PVT1: variants seen among roughly 807,000 people sequenced by gnomAD.
The protein encoded by PVT1 is CXCR4/PVT1 fusion.
intron 3 of PVT1, among the ~76,000 whole-genome samples, chr8:127,925,030 G>T (rs1264793067): frequency 1.3e-5 from 2 of 152,174 alleles, no homozygotes; most frequent in African/African-American, 4.8e-5. Flanking sequence ...ACCCCAAAAA[G>T]AAATCGTTTT....
intron 4 of PVT1, among the ~76,000 whole-genome samples, chr8:127,999,663 T>C (rs559422984): frequency 2.0e-5 from 3 of 152,330 alleles, no homozygotes; most frequent in Admixed American, 2.0e-4. Context: ...GGTTTCACCA[T>C]GTTGGCCAGG....
intron 3 of PVT1, among the ~76,000 whole-genome samples, chr8:127,960,027 G>A (rs1038857184): frequency 2.6e-5 from 4 of 152,170 alleles, no homozygotes; most frequent in African/African-American, 9.7e-5. Flanking sequence ...TCTCCTGTAC[G>A]TCGTAGTTTT....
At chr8:127,860,877 C>A (rs755099134) in intron 2 of PVT1, among the ~76,000 whole-genome samples, 7 of 151,944 alleles carry the variant, frequency 4.6e-5, no homozygotes, top group Admixed American at 4.6e-4. Flanking sequence ...ACTCGGTGAC[C>A]TTCTCAAGGG....
At chr8:127,918,278 G>T (rs1586435436) in intron 3 of PVT1, among the ~76,000 whole-genome samples, 1 of 152,194 alleles carries the variant, frequency 6.6e-6, no homozygotes, top group Non-Finnish European at 1.5e-5. Flanking sequence ...GTTCCTGGGG[G>T]TGTGGAACTG....
chr8:127,803,803 C>T (rs1814497031), intron 2 of PVT1, among the ~76,000 whole-genome samples: 1 of 151,814 alleles, frequency 6.6e-6, no homozygotes, highest in South Asian at 2.1e-4. Context: ...TCACTGCAAC[C>T]TCCGCCTCCT....
intron 3 of PVT1, among the ~76,000 whole-genome samples, chr8:127,925,051 C>T (rs1370624136): frequency 6.6e-6 from 1 of 152,194 alleles, no homozygotes; most frequent in Non-Finnish European, 1.5e-5. Context: ...TATTAGCAGT[C>T]ACCTCTTTAT....
intron 3 of PVT1, among the ~76,000 whole-genome samples, chr8:127,893,368 C>G (rs1322943091): frequency 6.6e-6 from 1 of 152,148 alleles, no homozygotes; most frequent in African/African-American, 2.4e-5. Context: ...CCTCCACCTC[C>G]TTGGTTCAAG....
At chr8:127,909,047 GTC>G (rs141485589) in intron 3 of PVT1, among the ~76,000 whole-genome samples, 3,083 of 152,260 alleles carry the variant, frequency 0.02, 85 homozygotes, top group East Asian at 0.098. Flanking sequence ...TTAGGTCCAT[GTC>G]TCTCGTGATC....
rs985494133 is a variant in PVT1 at position 127,908,546 on chromosome 8, T to C, written n.782+17548T>C. Among the ~76,000 whole-genome samples the C allele has an allele frequency of 9.9e-5, 15 of 152,228 alleles. No individual in the cohort carries two copies. In the South Asian group the frequency reaches 3.1e-3, roughly 32 times the overall value. On this transcript the variant is annotated intron_variant and non_coding_transcript_variant, in intron 3 of 10. Transcript: ENST00000651587. ...TAGTAAAGACGGGGTTTCACCATATTGACCAGGCTGGTCTCAAACTCCTGA... is the reference window on the plus strand; with the variant it reads ...TAGTAAAGACGGGGTTTCACCATATCGACCAGGCTGGTCTCAAACTCCTGA...
intron 3 of PVT1, among the ~76,000 whole-genome samples, chr8:127,959,361 C>T (rs1208546519): frequency 2.6e-5 from 4 of 152,184 alleles, no homozygotes; most frequent in East Asian, 3.9e-4. Context: ...CCAAGGCGGG[C>T]GGATTACGAG....
intron 2 of PVT1, among the ~76,000 whole-genome samples, chr8:127,806,518 A>G (rs1000357156): frequency 1.3e-5 from 2 of 152,192 alleles, no homozygotes; most frequent in Non-Finnish European, 2.9e-5. Context: ...GAATTTTGCT[A>G]ACAAAGTCAG....
intron 3 of PVT1, among the ~76,000 whole-genome samples, chr8:127,972,485 A>G (rs948343901): frequency 1.3e-4 from 20 of 152,188 alleles, no homozygotes; most frequent in Admixed American, 1.2e-3. Flanking sequence ...AGCTTTAAAA[A>G]TAGCTGTGCG....
chr8:127,829,206 G>T (rs1402778745), intron 2 of PVT1, among the ~76,000 whole-genome samples: 1 of 152,196 alleles, frequency 6.6e-6, no homozygotes, highest in Non-Finnish European at 1.5e-5. Context: ...GAACCTGGGA[G>T]GCAGAGGTTG....
chr8:127,845,033 T>C (rs1176903018), intron 2 of PVT1, among the ~76,000 whole-genome samples: 3 of 152,190 alleles, frequency 2.0e-5, no homozygotes, highest in Non-Finnish European at 4.4e-5. Context: ...TTTACATGCA[T>C]CTCACTGCCT....
intron 2 of PVT1, among the ~76,000 whole-genome samples, chr8:127,881,364 CTTATTA>C (rs202010788): frequency 2.7e-5 from 4 of 149,802 alleles, no homozygotes; most frequent in Admixed American, 6.7e-5. Context: ...GTTTCTATTC[CTTATTA>C]TTATTATTAT....
In PVT1 at chr8:127,898,953, T is replaced by C. The variant is rs1216546909; in HGVS notation, n.782+7955T>C. ...TGGACACCCCCACCCCCCGTTGACT[T>C]ATCTGGCTCCAACCGAAGAACAGCT... On this transcript the variant is annotated intron_variant and non_coding_transcript_variant, in intron 3 of 10. Coordinates refer to ENST00000651587, the Ensembl canonical transcript of PVT1. The surrounding 1 kb of genome is among the most constrained non-coding windows in gnomAD (Gnocchi z 4.4). Among the ~76,000 whole-genome samples, 1 of 152,010 alleles carries C rather than the reference T, an allele frequency of 6.6e-6. No individual in the cohort carries two copies. The highest frequency in any genetic ancestry group is 2.4e-5 in the African/African-American group (1 of 41,378).
At chr8:127,980,304 G>T (rs759156927) in intron 3 of PVT1, among the ~76,000 whole-genome samples, 2 of 152,174 alleles carry the variant, frequency 1.3e-5, no homozygotes, top group Middle Eastern at 3.2e-3. Context: ...TAGCAAATAT[G>T]TATATCTATT....
At chr8:127,897,215 C>T (rs1815690308) in intron 3 of PVT1, among the ~76,000 whole-genome samples, 1 of 152,232 alleles carries the variant, frequency 6.6e-6, no homozygotes, top group African/African-American at 2.4e-5. Flanking sequence ...GAAGAACTCT[C>T]ACGCTGTGGT....
chr8:127,802,418 G>A (rs987249069), intron 2 of PVT1, among the ~76,000 whole-genome samples: 1 of 152,062 alleles, frequency 6.6e-6, no homozygotes, highest in African/African-American at 2.4e-5. Context: ...GTCTCCCTGT[G>A]TTGCCCAGGC....
Sources: gnomAD v4.1 joint callset for allele counts (sites outside exome capture counted in the v4.1 genomes callset) on GRCh38, gnomAD v4.1.1 for gene constraint, Gnocchi (gnomAD v3.1) non-coding constraint, MANE v1.5 for transcripts, NCBI Gene and HGNC (gene_info 2026-07-23, HGNC 2026-07-21) for gene names.